The following SHE variants were observed in gnomAD, a reference collection of about 807,000 sequenced individuals.
The protein encoded by SHE is Src homology 2 domain containing E, also known as SH2 domain-containing adapter protein E.
A neutral mutation model predicts 49.8 loss-of-function variants in SHE; 11 were observed. The ratio of observed to expected loss-of-function variants is 0.22; its 90% CI spans 0.14 to 0.37. The LOEUF (loss-of-function observed/expected upper bound fraction) is 0.37, where lower values mean the gene tolerates loss of function less well. Among genes scored for constraint, SHE ranks in the 10% least tolerant of loss-of-function variants. SHE has a pLI of 1.00. For synonymous variants in SHE, 310 were observed against 278.1 expected (o/e 1.11, Z -1.14); for missense variants, 624 against 655.5 (o/e 0.95, Z 0.52).
At chr1:154,493,966 T>C (rs1481791132) in intron 2 of SHE, among the ~76,000 whole-genome samples, 1 of 152,240 alleles carries the variant, frequency 6.6e-6, no homozygotes, top group Admixed American at 6.5e-5. Flanking sequence ...TGAGGCCAAT[T>C]ATTACCAACT....
At chr1:154,486,407 C>T in intron 4 of SHE, 120 bp downstream of exon 4, 2 of 1,387,152 alleles carry the variant, frequency 1.4e-6, no homozygotes, top group Non-Finnish European at 9.7e-7. Context: ...ATTAAAAACC[C>T]CATCCAGGCA....
Position 154,480,961 on chromosome 1 carries a change from T to C in SHE, c.*3188A>G, listed in dbSNP as rs967290364. 7.1e-6 allele frequency: 7 copies of C among 985,320 alleles called. No homozygotes were observed. The highest frequency in any genetic ancestry group is 5.2e-5 in the African/African-American group (3 of 57,250). 61.0% of individuals were successfully genotyped at this position (985,320 alleles called of 1,614,324 possible). On this transcript the variant is annotated 3_prime_UTR_variant, in exon 6 of 6. Transcript: ENST00000304760. Reference sequence around the variant, plus strand: ...CAAGAAGAACACTGACACAGCTCTATGGATGCTAAATTCAAGGCAAATTCA... The same window carrying C: ...CAAGAAGAACACTGACACAGCTCTACGGATGCTAAATTCAAGGCAAATTCA...
chr1:154,478,876 A>G (rs1268004964), downstream of SHE, among the ~76,000 whole-genome samples: 4 of 152,236 alleles, frequency 2.6e-5, no homozygotes, highest in Admixed American at 6.5e-5. Flanking sequence ...GGCAACTTAC[A>G]TAAATGTTTA....
At chr1:154,492,079 C>T (rs1692385355) in intron 2 of SHE, among the ~76,000 whole-genome samples, 1 of 152,080 alleles carries the variant, frequency 6.6e-6, no homozygotes, top group South Asian at 2.1e-4. Flanking sequence ...AAAAAGAGGG[C>T]AACAAATGAG....
At position 154,499,250 on chromosome 1, in the gene SHE, CAA is replaced by C. The variant is rs768640599; in HGVS notation, c.592-14_592-13del. On this transcript the variant is annotated splice_polypyrimidine_tract_variant and intron_variant, in intron 1 of 5. Transcript: ENST00000304760. Reference sequence around the variant, plus strand: ...TCTAAAATGATGACCTGAAAAAGAACAAGAGAGGACAGTTGCTAAGGGCCACC... The same window carrying C: ...TCTAAAATGATGACCTGAAAAAGAACGAGAGGACAGTTGCTAAGGGCCACC... 6 of 1,609,562 alleles carry C rather than the reference CAA, an allele frequency of 3.7e-6. No individual in the cohort carries two copies. The highest frequency in any genetic ancestry group is 2.5e-6 in the Non-Finnish European group (3 of 1,177,412).
At chr1:154,487,737 C>A (rs987420679) in intron 3 of SHE, among the ~76,000 whole-genome samples, 2 of 151,526 alleles carry the variant, frequency 1.3e-5, no homozygotes, top group African/African-American at 4.8e-5. Flanking sequence ...GTAGTCCCAG[C>A]TCTTCGGGGG....
At position 154,483,601 on chromosome 1, in the gene SHE, C is replaced by G. The variant is rs1557796082; in HGVS notation, c.*548G>C. ...ATAAAAAGAACACCCTACCCCAGAG[C>G]TGGAGGCAACAGCTAAATCATGATT... On this transcript the variant is annotated 3_prime_UTR_variant, in exon 6 of 6. Coordinates refer to ENST00000304760, the MANE Select transcript of SHE (RefSeq NM_001010846.3). 2 of 985,784 alleles carry G rather than the reference C, an allele frequency of 2.0e-6. No individual in the cohort carries two copies. 61.1% of individuals were successfully genotyped at this position (985,784 alleles called of 1,614,324 possible).
chr1:154,478,715 C>T (rs1691945256), downstream of SHE, among the ~76,000 whole-genome samples: 2 of 152,174 alleles, frequency 1.3e-5, no homozygotes, highest in South Asian at 2.1e-4. Context: ...CACTCAAACC[C>T]TGGGTGCTTG....
At chr1:154,490,623 T>C (rs1046772057) in intron 2 of SHE, among the ~76,000 whole-genome samples, 4 of 152,060 alleles carry the variant, frequency 2.6e-5, no homozygotes, top group Admixed American at 1.3e-4. Context: ...TGTTCCATAA[T>C]GGGGAGCTGA....
chr1:154,501,735 G>T lies in SHE; in HGVS notation c.292C>A (p.Pro98Thr), dbSNP rs1405896586. The change falls in exon 1 of 6, where the codon CCC (proline) becomes ACC (threonine). Residue 98 changes from proline to threonine, a missense_variant. Around this residue, in one of 4 missense-constraint regions of SHE, gnomAD observed 337 missense variants for 306.0 expected, o/e 1.10. Coordinates refer to ENST00000304760, the MANE Select transcript of SHE (RefSeq NM_001010846.3). ...ELGSGRAGVGPKDSRLSRDSL... is the reference protein window; with the variant it reads ...ELGSGRAGVGTKDSRLSRDSL... The stretch of plus-strand genomic sequence containing the variant: ...TCGCGGGACAGCCGGCTGTCCTTGG[G>T]GCCGACGCCGGCCCTGCCGCTCCCC... The T allele has an allele frequency of 1.3e-6, 2 of 1,577,324 alleles. No homozygotes were observed. The highest frequency in any genetic ancestry group is 1.7e-6 in the Non-Finnish European group (2 of 1,166,566).
chr1:154,487,441 GA>G (rs1266408306), intron 3 of SHE, among the ~76,000 whole-genome samples: 11 of 152,120 alleles, frequency 7.2e-5, no homozygotes, highest in Non-Finnish European at 1.6e-4. Context: ...CTCAGAAACA[GA>G]AAGACTACCA....
chr1:154,476,753 A>G (rs1025098215), downstream of SHE, among the ~76,000 whole-genome samples: 1 of 152,118 alleles, frequency 6.6e-6, no homozygotes, highest in Non-Finnish European at 1.5e-5. Context: ...GTTTCTTGCC[A>G]ACAACATGCT....
rs533541305 is a variant in SHE at position 154,481,210 on chromosome 1, A to C, written c.*2939T>G. 2 of 985,418 alleles carry C rather than the reference A, an allele frequency of 2.0e-6. No homozygotes were observed. Among genetic ancestry groups the C allele is most frequent in the East Asian group, 2.3e-4 (2 of 8,816 alleles). 61.0% of individuals were successfully genotyped at this position (985,418 alleles called of 1,614,324 possible). Reference sequence around the variant, plus strand: ...CCTAATTGTTTTTAGAACATATGGAACTTTGTGCCACCACACAGCTGTGAA... The same window carrying C: ...CCTAATTGTTTTTAGAACATATGGACCTTTGTGCCACCACACAGCTGTGAA... On this transcript the variant is annotated 3_prime_UTR_variant, in exon 6 of 6. Coordinates refer to ENST00000304760, the MANE Select transcript of SHE (RefSeq NM_001010846.3).
Position 154,501,767 on chromosome 1 carries a change from G to T in SHE, c.260C>A (p.Ala87Asp), listed in dbSNP as rs751760041. 1 of 1,566,192 alleles carries T rather than the reference G, an allele frequency of 6.4e-7. No homozygotes were observed. The highest frequency in any genetic ancestry group is 1.8e-5 in the Admixed American group (1 of 54,730). ...GPGKGRKNSA[A>D]ELGSGRAGVG... The stretch of plus-strand genomic sequence containing the variant: ...GCCGGCCCTGCCGCTCCCCAGCTCG[G>T]CCGCCGAGTTCTTGCGGCCCTTGCC... The change falls in exon 1 of 6, where the codon GCC (alanine) becomes GAC (aspartate). Residue 87 changes from alanine (A) to aspartate (D), a missense_variant. Coordinates refer to ENST00000304760, the MANE Select transcript of SHE (RefSeq NM_001010846.3).
At position 154,502,139 on chromosome 1, in the gene SHE, C is replaced by T. The variant is rs921555023; in HGVS notation, c.-113G>A. 110 of 884,630 alleles carry T rather than the reference C, an allele frequency of 1.2e-4. No individual in the cohort carries two copies. In the East Asian group the frequency reaches 2.0e-3, roughly 16 times the overall value. The allele number at this position is 884,630 out of a possible 1,614,324, so 54.8% of individuals were successfully genotyped here. On this transcript the variant is annotated 5_prime_UTR_variant, in exon 1 of 6. Transcript: ENST00000304760. The stretch of plus-strand genomic sequence containing the variant: ...AGGGTGGGGTTCTCACGGCTCGGGG[C>T]GCCGAGCGGGCGGGCGCTAGCCTCT...
chr1:154,498,346 T>C (rs983190160), intron 2 of SHE, among the ~76,000 whole-genome samples: 1 of 151,972 alleles, frequency 6.6e-6, no homozygotes, highest in African/African-American at 2.4e-5. Context: ...TCCGCCCACC[T>C]TGACCTCCCA....
chr1:154,475,278 C>T (rs1468725200), downstream of SHE, among the ~76,000 whole-genome samples: 2 of 152,158 alleles, frequency 1.3e-5, no homozygotes, highest in Non-Finnish European at 2.9e-5. Context: ...CCTCCGCCTC[C>T]CAGGTTCAAG....
chr1:154,486,123 G>A, intron 4 of SHE, 61 bp from the exon 5 acceptor site: 3 of 1,585,588 alleles, frequency 1.9e-6, no homozygotes, highest in Admixed American at 3.4e-5. Flanking sequence ...AATCCAGACT[G>A]GGCATTGCTC....
At chr1:154,496,612 G>A (rs1279388601) in intron 2 of SHE, among the ~76,000 whole-genome samples, 4 of 152,136 alleles carry the variant, frequency 2.6e-5, no homozygotes, top group Non-Finnish European at 4.4e-5. Context: ...AGATCCGGGT[G>A]CTAATTCCTG....
Sources: gnomAD v4.1 joint callset for allele counts (sites outside exome capture counted in the v4.1 genomes callset) on GRCh38, gnomAD v4.1.1 for gene constraint, gnomAD v4.1.1 regional missense constraint, MANE v1.5 for transcripts, NCBI Gene and HGNC (gene_info 2026-07-23, HGNC 2026-07-21) for gene names.